PPARGC1A: variants seen among roughly 807,000 people sequenced by gnomAD.
PPARGC1A encodes PPARG coactivator 1 alpha.
A neutral mutation model predicts 88.7 loss-of-function variants in PPARGC1A; 25 were observed. The ratio of observed to expected loss-of-function variants is 0.28; its 90% confidence interval spans 0.21 to 0.39. PPARGC1A has a LOEUF of 0.39. Among genes scored for constraint, PPARGC1A ranks in the 10% least tolerant of loss-of-function variants. The probability of loss-of-function intolerance (pLI) is 1.00; values close to 1 mark genes in which losing one functional copy is unlikely to be tolerated. For missense variants in PPARGC1A, 880 were observed against 968.7 expected, an observed-to-expected ratio of 0.91 and a Z score of 1.22; for synonymous variants, 363 against 355.6, an observed-to-expected ratio of 1.02 and a Z score of -0.24.
upstream of PPARGC1A, among the ~76,000 whole-genome samples, chr4:23,906,421 G>A (rs767394842): frequency 1.4e-4 from 21 of 151,612 alleles, no homozygotes; most frequent in African/African-American, 3.6e-4. Flanking sequence ...AAGACCAGCC[G>A]GGCCAACAGG....
intron 2 of PPARGC1A, among the ~76,000 whole-genome samples, chr4:23,849,937 T>C (rs1728990142): frequency 6.6e-6 from 1 of 151,788 alleles, no homozygotes; most frequent in Non-Finnish European, 1.5e-5. Flanking sequence ...TAGTCTGTAA[T>C]GTCGTATAAT....
chr4:24,193,984 C>G, the PPARGC1A span, among the ~76,000 whole-genome samples: 18 of 152,214 alleles, frequency 1.2e-4, no homozygotes, highest in Non-Finnish European at 2.1e-4. Context: ...CAAAAATTAG[C>G]CAGGCTTGGT....
the PPARGC1A span, among the ~76,000 whole-genome samples, chr4:24,352,512 ACATCTCAGGGATGGGGTCCAACTGG>A: frequency 6.6e-6 from 1 of 152,150 alleles, no homozygotes; most frequent in African/African-American, 2.4e-5. Flanking sequence ...GTTCATCCCC[ACATCTCAGGGATGGGGTCCAACTGG>A]CCACGGGGAC....
chr4:24,236,642 C>T, the PPARGC1A span, among the ~76,000 whole-genome samples: 2 of 152,238 alleles, frequency 1.3e-5, no homozygotes, highest in African/African-American at 4.8e-5. Context: ...AAAGCAGCAG[C>T]ATTTTTCTGC....
the PPARGC1A span, among the ~76,000 whole-genome samples, chr4:24,148,888 A>G: frequency 6.6e-6 from 1 of 152,230 alleles, no homozygotes; most frequent in African/African-American, 2.4e-5. Flanking sequence ...GAGACAACTC[A>G]TTACTGACAT....
the PPARGC1A span, among the ~76,000 whole-genome samples, chr4:24,315,065 G>C: frequency 6.6e-6 from 1 of 150,662 alleles, no homozygotes; most frequent in East Asian, 1.9e-4. Context: ...AAAAATCAAG[G>C]ATCAGACCAA....
At chr4:24,159,488 C>T in the PPARGC1A span, among the ~76,000 whole-genome samples, 2 of 152,000 alleles carry the variant, frequency 1.3e-5, no homozygotes, top group Non-Finnish European at 2.9e-5. Context: ...GGATTACAGG[C>T]GTGAGCCACT....
the PPARGC1A span, among the ~76,000 whole-genome samples, chr4:24,103,755 A>G: frequency 1.3e-5 from 2 of 152,190 alleles, no homozygotes; most frequent in East Asian, 1.9e-4. Flanking sequence ...GCTGTCCCCA[A>G]AGGACCCCGA....
the PPARGC1A span, among the ~76,000 whole-genome samples, chr4:24,453,436 G>A: frequency 1.3e-5 from 2 of 152,230 alleles, no homozygotes; most frequent in African/African-American, 4.8e-5. Flanking sequence ...AAAAGGAGAA[G>A]GAAAGCAAGA....
chr4:23,864,735 C>G (rs1031828035), intron 2 of PPARGC1A, among the ~76,000 whole-genome samples: 2 of 152,190 alleles, frequency 1.3e-5, no homozygotes, highest in African/African-American at 4.8e-5. Context: ...AGTTAGGCAA[C>G]CTGGTGTGTG....
the PPARGC1A span, among the ~76,000 whole-genome samples, chr4:24,125,165 A>C: frequency 6.6e-6 from 1 of 152,210 alleles, no homozygotes; most frequent in Admixed American, 6.5e-5. Context: ...CCCAAGTTAT[A>C]TAGAGTCCAA....
intron 2 of PPARGC1A, chr4:23,881,765 C>T (rs542306438): frequency 6.6e-6 from 1 of 152,282 alleles, no homozygotes; most frequent in South Asian, 2.1e-4. Flanking sequence ...GAGCCCGTGA[C>T]TGTTTAACTT....
At chr4:24,327,743 C>A in the PPARGC1A span, among the ~76,000 whole-genome samples, 1 of 152,080 alleles carries the variant, frequency 6.6e-6, no homozygotes, top group Middle Eastern at 3.4e-3. Flanking sequence ...TCTCTCCATA[C>A]CACCCCCAAA....
At chr4:23,883,789 A>C (rs1716399513) in intron 2 of PPARGC1A, 1 of 152,222 alleles carries the variant, frequency 6.6e-6, no homozygotes, top group Non-Finnish European at 1.5e-5. Context: ...GGGTTCCAGC[A>C]AAACTCAGTT....
the PPARGC1A span, among the ~76,000 whole-genome samples, chr4:24,457,945 T>C: frequency 6.6e-6 from 1 of 152,118 alleles, no homozygotes; most frequent in Non-Finnish European, 1.5e-5. Context: ...TTTTTCTCTG[T>C]AGATCTCAAC....
the PPARGC1A span, among the ~76,000 whole-genome samples, chr4:24,159,894 T>C: frequency 6.6e-6 from 1 of 152,180 alleles, no homozygotes; most frequent in Non-Finnish European, 1.5e-5. Flanking sequence ...TGGGACCATA[T>C]AGTGATCACA....
At chr4:24,127,849 A>T in the PPARGC1A span, among the ~76,000 whole-genome samples, 1 of 152,176 alleles carries the variant, frequency 6.6e-6, no homozygotes, top group Non-Finnish European at 1.5e-5. Context: ...GAAAAAAAAT[A>T]GTAAGGAAAA....
At chr4:23,905,705 T>C (rs1209826582), upstream of PPARGC1A, among the ~76,000 whole-genome samples, 1 of 152,262 alleles carries the variant, frequency 6.6e-6, no homozygotes, top group African/African-American at 2.4e-5. Context: ...TAAGTATTAT[T>C]ACTAATCTGA....
At chr4:23,901,543 CAAAA>C (rs535361329), upstream of PPARGC1A, among the ~76,000 whole-genome samples, 3 of 80,758 alleles carry the variant, frequency 3.7e-5, no homozygotes, top group African/African-American at 4.7e-5. Context: ...GACTCCGTCT[CAAAA>C]AAAAAAAAAA....
Sources: allele counts gnomAD v4.1 joint callset (sites outside exome capture counted in the v4.1 genomes callset), GRCh38; gene constraint gnomAD v4.1.1; transcripts MANE v1.5; gene names NCBI Gene and HGNC (gene_info 2026-07-23, HGNC 2026-07-21).